The following MGMT variants were observed in gnomAD, a reference collection of about 807,000 sequenced individuals.
MGMT encodes methylated-DNA--protein-cysteine methyltransferase.
In MGMT, 14 loss-of-function variants were observed where a neutral mutation model predicts 15.9. The observed-to-expected ratio is 0.88, with a 90% CI of 0.58 to 1.37. The LOEUF (loss-of-function observed/expected upper bound fraction) is 1.37. Ranked by LOEUF, MGMT falls within the 40% of genes most tolerant of loss-of-function variation. The probability of loss-of-function intolerance (pLI) is 0.00; values close to 1 mark genes in which losing one functional copy is unlikely to be tolerated. For synonymous variants in MGMT, 130 were observed against 118.2 expected (o/e 1.10, Z -0.65); for missense variants, 282 against 268.1 (o/e 1.05, Z -0.36).
At chr10:129,696,406 C>A (rs1475376389) in intron 2 of MGMT, among the ~76,000 whole-genome samples, 2 of 152,186 alleles carry the variant, frequency 1.3e-5, no homozygotes, top group African/African-American at 4.8e-5. Context: ...GTTCCGACTG[C>A]AGAGTCCTAT....
chr10:129,521,329 G>A (rs980208362), intron 1 of MGMT, among the ~76,000 whole-genome samples: 1 of 152,166 alleles, frequency 6.6e-6, no homozygotes, highest in Non-Finnish European at 1.5e-5. Context: ...TGAGTTCAGG[G>A]AAGCTCTGGA....
chr10:129,485,564 A>G (rs1043869351), intron 1 of MGMT, among the ~76,000 whole-genome samples: 4 of 152,254 alleles, frequency 2.6e-5, no homozygotes, highest in Admixed American at 2.6e-4. Context: ...ATGCTGCTCA[A>G]AGCTGATGCT....
At chr10:129,540,376 A>G (rs1015386189) in intron 2 of MGMT, among the ~76,000 whole-genome samples, 5 of 152,160 alleles carry the variant, frequency 3.3e-5, no homozygotes, top group East Asian at 1.9e-4. Flanking sequence ...AATTTCTTCT[A>G]TTGAGCTGTC....
At chr10:129,689,741 G>C (rs1414813811) in intron 2 of MGMT, among the ~76,000 whole-genome samples, 2 of 152,208 alleles carry the variant, frequency 1.3e-5, no homozygotes, top group Non-Finnish European at 2.9e-5. Context: ...ATCCAACTCT[G>C]ATCAGCTTGG....
chr10:129,591,593 C>G (rs1846686664), intron 2 of MGMT, among the ~76,000 whole-genome samples: 1 of 152,220 alleles, frequency 6.6e-6, no homozygotes, highest in Non-Finnish European at 1.5e-5. Context: ...CCACCTACTC[C>G]TCACCACCAC....
intron 2 of MGMT, among the ~76,000 whole-genome samples, chr10:129,643,019 G>A (rs974047323): frequency 1.3e-5 from 2 of 152,180 alleles, no homozygotes; most frequent in South Asian, 4.1e-4. Context: ...CTGGGCGAGC[G>A]AATGTGTAGT....
intron 3 of MGMT, among the ~76,000 whole-genome samples, chr10:129,714,111 G>A (rs567877322): frequency 4.6e-4 from 70 of 152,324 alleles, no homozygotes; most frequent in African/African-American, 1.7e-3. Flanking sequence ...GGGCATGCCC[G>A]CAGAGCCCCT....
At chr10:129,551,467 G>C (rs529773045) in intron 2 of MGMT, among the ~76,000 whole-genome samples, 22 of 152,106 alleles carry the variant, frequency 1.4e-4, no homozygotes, top group Non-Finnish European at 3.1e-4. Context: ...AGCATCAGCT[G>C]CCGCAGGCCA....
chr10:129,548,960 G>T (rs886960730), intron 2 of MGMT, among the ~76,000 whole-genome samples: 1 of 152,210 alleles, frequency 6.6e-6, no homozygotes, highest in African/African-American at 2.4e-5. Context: ...TGGGTCTCTA[G>T]AAGTTACCCT....
At position 129,712,893 on chromosome 10, in the gene MGMT, C is replaced by T. The variant is rs141266739; in HGVS notation, c.274+4850C>T. Among the ~76,000 whole-genome samples the T allele has an allele frequency of 3.8e-3, 586 of 152,250 alleles. 2 individuals are homozygous for T. The highest frequency in any genetic ancestry group is 0.014 in the African/African-American group (564 of 41,550). ...TGATGGGTGCCCAAGTAGATGGCCT[C>T]CCCTGGAAAGAGGCATATTAGCCCT... On this transcript the variant is annotated intron_variant, in intron 3 of 4. Transcript: ENST00000651593.
At chr10:129,585,640 G>A (rs148078254) in intron 2 of MGMT, among the ~76,000 whole-genome samples, 8 of 152,144 alleles carry the variant, frequency 5.3e-5, no homozygotes, top group East Asian at 1.9e-4. Context: ...TGAATTCAAC[G>A]TAGTCCTTAA....
intron 2 of MGMT, among the ~76,000 whole-genome samples, chr10:129,702,688 G>A (rs1359298133): frequency 4.6e-5 from 7 of 152,184 alleles, no homozygotes; most frequent in African/African-American, 1.7e-4. Flanking sequence ...GCTGGCATCC[G>A]TGGCAGCCCC....
intron 1 of MGMT, among the ~76,000 whole-genome samples, chr10:129,501,456 G>A (rs1189812503): frequency 6.6e-6 from 1 of 152,230 alleles, no homozygotes; most frequent in Non-Finnish European, 1.5e-5. Flanking sequence ...GAGGGTGGCT[G>A]TAGAGTTAAC....
chr10:129,737,003 A>G (rs1489612351), intron 3 of MGMT, among the ~76,000 whole-genome samples: 1 of 151,968 alleles, frequency 6.6e-6, no homozygotes, highest in East Asian at 1.9e-4. Flanking sequence ...TTTTTCCTTC[A>G]TTTCAACTTT....
chr10:129,563,731 A>G lies in MGMT; in HGVS notation c.125+27354A>G, dbSNP rs1157133884. ...GGAGTACTGCAATACAATTAAATAT[A>G]CTTAACCTTAAAATTACCCAGAATG... On this transcript the variant is annotated intron_variant, in intron 2 of 4. Coordinates refer to ENST00000651593, the MANE Select transcript of MGMT (RefSeq NM_002412.5). The G allele has an allele frequency of 2.0e-5, 3 of 152,192 alleles. No homozygotes were observed. The South Asian group carries it at 6.2e-4, about 32-fold the overall frequency. The allele number at this position is 152,192 out of a possible 1,614,324, so 9.4% of individuals were successfully genotyped here. A position where few individuals can be genotyped will look rare whatever the true frequency, so the allele number is the denominator to read the frequency against.
intron 1 of MGMT, among the ~76,000 whole-genome samples, chr10:129,522,762 A>C (rs1554906263): frequency 6.6e-6 from 1 of 152,130 alleles, no homozygotes; most frequent in Non-Finnish European, 1.5e-5. Context: ...CTGGACGAGG[A>C]GAAAGAGGAA....
At chr10:129,483,888 A>G (rs1845383531) in intron 1 of MGMT, among the ~76,000 whole-genome samples, 1 of 152,138 alleles carries the variant, frequency 6.6e-6, no homozygotes, top group East Asian at 1.9e-4. Flanking sequence ...AAATAGATAT[A>G]TAGATAGATA....
intron 2 of MGMT, among the ~76,000 whole-genome samples, chr10:129,602,317 T>G (rs184484070): frequency 0.019 from 2,871 of 152,246 alleles, 46 homozygotes; most frequent in Non-Finnish European, 0.025. Context: ...TCCTGAAATC[T>G]CCAAGCGAGG....
chr10:129,482,469 T>C (rs1356628318), intron 1 of MGMT, among the ~76,000 whole-genome samples: 1 of 152,178 alleles, frequency 6.6e-6, no homozygotes, highest in Non-Finnish European at 1.5e-5. Context: ...TATTGAATTT[T>C]GTTTCCCTAT....
Sources: gnomAD v4.1 joint callset for allele counts (sites outside exome capture counted in the v4.1 genomes callset) on GRCh38, gnomAD v4.1.1 for gene constraint, MANE v1.5 for transcripts, NCBI Gene and HGNC (gene_info 2026-07-23, HGNC 2026-07-21) for gene names.